The following DGKG variants were observed in gnomAD, a reference collection of about 807,000 sequenced individuals.
DGKG encodes the protein diacylglycerol kinase gamma, also known as DAG kinase gamma.
In DGKG, 78 loss-of-function variants were observed where a neutral mutation model predicts 105.3. The ratio of observed to expected loss-of-function variants is 0.74; its 90% CI spans 0.62 to 0.89. The LOEUF is 0.89. DGKG is among the 40% of genes least tolerant of loss of function. The pLI is 0.00. For synonymous variants in DGKG, 346 were observed against 367.1 expected (o/e 0.94, Z 0.66); for missense variants, 958 against 1,020.1 (o/e 0.94, Z 0.83).
chr3:186,300,215 C>A (rs1264407848), intron 3 of DGKG, among the ~76,000 whole-genome samples: 1 of 152,156 alleles, frequency 6.6e-6, no homozygotes, highest in African/African-American at 2.4e-5. Context: ...CCAGCATTTT[C>A]TTTTCATTTA....
intron 3 of DGKG, among the ~76,000 whole-genome samples, chr3:186,302,635 T>TATATCC (rs1348431429): frequency 2.0e-5 from 3 of 149,382 alleles, no homozygotes; most frequent in Non-Finnish European, 1.5e-5. Context: ...TATCTATATC[T>TATATCC]ATATCTATAT....
chr3:186,264,147 C>T (rs1721925723), intron 14 of DGKG, among the ~76,000 whole-genome samples: 1 of 152,222 alleles, frequency 6.6e-6, no homozygotes, highest in Non-Finnish European at 1.5e-5. Flanking sequence ...ATACATGTAT[C>T]GGGTGTGGAT....
intron 20 of DGKG, among the ~76,000 whole-genome samples, 161 bp downstream of exon 20, chr3:186,242,343 T>A (rs895955779): frequency 6.6e-6 from 1 of 151,266 alleles, no homozygotes; most frequent in African/African-American, 2.4e-5. Flanking sequence ...TTCTGACACT[T>A]TTTTTTTTCT....
chr3:186,252,484 G>A (rs947745383), intron 18 of DGKG, among the ~76,000 whole-genome samples: 16 of 152,302 alleles, frequency 1.1e-4, no homozygotes, highest in Middle Eastern at 6.8e-3. Flanking sequence ...ATTTTCTGGC[G>A]CATGTCCAAC....
rs111525071 is a variant in DGKG at position 186,276,035 on chromosome 3, A to G, written c.793-371T>C. Among the ~76,000 whole-genome samples, 710 of 152,088 alleles carry G rather than the reference A, an allele frequency of 4.7e-3. 10 individuals are homozygous for G. Among genetic ancestry groups the G allele is most frequent in the African/African-American group, 0.016 (656 of 41,464 alleles). ...CTATCTATCTCCTTTAAATGTTTAC[A>G]ACCTTTGACTTACCAATATCTCCTT... is the stretch of plus-strand genomic sequence containing the variant. On this transcript the variant is annotated intron_variant, in intron 9 of 24. Coordinates refer to ENST00000265022, the MANE Select transcript of DGKG (RefSeq NM_001346.3).
chr3:186,284,543 G>A lies in DGKG; in HGVS notation c.594+117C>T, dbSNP rs1452582528. ...TAGTCGGATTTCCTCAGCCTGCATC[G>A]AGACATTGCTATTACTACAAAGACG... On this transcript the variant is annotated intron_variant, in intron 7 of 24. Transcript: ENST00000265022. The surrounding 1 kb of genome is among the most constrained non-coding windows in gnomAD (Gnocchi z 4.0). 2 of 889,418 alleles carry A rather than the reference G, an allele frequency of 2.2e-6. No individual in the cohort carries two copies. The highest frequency in any genetic ancestry group is 3.7e-6 in the Non-Finnish European group (2 of 537,918). The allele number at this position is 889,418 out of a possible 1,614,324, so 55.1% of individuals were successfully genotyped here.
At chr3:186,159,184 A>T (rs1716172808) in intron 24 of DGKG, 1 of 151,568 alleles carries the variant, frequency 6.6e-6, no homozygotes, top group South Asian at 2.1e-4. Context: ...GCTTCAAAAA[A>T]TTTTTAAATG....
intron 22 of DGKG, among the ~76,000 whole-genome samples, chr3:186,180,026 C>T (rs1485550844): frequency 6.6e-6 from 1 of 152,164 alleles, no homozygotes; most frequent in Non-Finnish European, 1.5e-5. Context: ...CTGCCAGGCA[C>T]AGGGATACAG....
chr3:186,318,767 C>T (rs1009843425), intron 2 of DGKG, among the ~76,000 whole-genome samples: 25 of 152,172 alleles, frequency 1.6e-4, no homozygotes, highest in Admixed American at 2.0e-4. Context: ...GCCGCTGACT[C>T]CTTGATTGTG....
intron 21 of DGKG, among the ~76,000 whole-genome samples, chr3:186,202,396 T>C (rs928996163): frequency 4.6e-5 from 7 of 152,234 alleles, no homozygotes; most frequent in African/African-American, 1.7e-4. Context: ...ATATCCACTA[T>C]AGCCAACAAG....
chr3:186,236,828 C>A (rs1182346357), intron 20 of DGKG, among the ~76,000 whole-genome samples: 1 of 152,254 alleles, frequency 6.6e-6, no homozygotes, highest in Non-Finnish European at 1.5e-5. Flanking sequence ...TCAGCCTCAA[C>A]TGCTGAGAGA....
chr3:186,349,870 C>T (rs921172487), intron 1 of DGKG, among the ~76,000 whole-genome samples: 1 of 151,670 alleles, frequency 6.6e-6, no homozygotes, highest in African/African-American at 2.4e-5. Flanking sequence ...CAACCATTGC[C>T]ACCATCCATC....
In DGKG at chr3:186,319,973, C is replaced by T. The variant is rs1038501962; in HGVS notation, c.67+420G>A. Among the ~76,000 whole-genome samples the T allele has an allele frequency of 2.6e-5, 4 of 152,356 alleles. 1 individual carries two copies. The South Asian group carries it at 6.2e-4, about 24-fold the overall frequency. On this transcript the variant is annotated intron_variant, in intron 2 of 24. Transcript: ENST00000265022. The stretch of plus-strand genomic sequence containing the variant: ...AGTAACATTGTAGCCATGCAGCATG[C>T]AGCCCTTCAAAATTATGCTCTGAAG...
intron 9 of DGKG, among the ~76,000 whole-genome samples, chr3:186,277,065 G>A (rs1414212658): frequency 6.6e-6 from 1 of 152,110 alleles, no homozygotes; most frequent in Non-Finnish European, 1.5e-5. Flanking sequence ...GAGTTTTATA[G>A]AATTAAAACC....
chr3:186,182,832 C>A (rs1413860181), intron 22 of DGKG, among the ~76,000 whole-genome samples: 13 of 152,112 alleles, frequency 8.5e-5, no homozygotes, highest in Non-Finnish European at 1.6e-4. Context: ...TTCTGTAGAA[C>A]ACATGTGAGC....
intron 19 of DGKG, among the ~76,000 whole-genome samples, chr3:186,244,222 G>A (rs1720828856): frequency 6.6e-6 from 1 of 152,052 alleles, no homozygotes; most frequent in Non-Finnish European, 1.5e-5. Context: ...AAGAGGTATA[G>A]TTCTATGAAG....
rs1052998419 is a variant in DGKG at position 186,361,387 on chromosome 3, C to G, written c.-249+559G>C. 1.2e-4 allele frequency among the ~76,000 whole-genome samples: 19 copies of G among 152,126 alleles called. No homozygotes were observed. Among genetic ancestry groups the G allele is most frequent in the Non-Finnish European group, 1.0e-4 (7 of 68,010 alleles). ...CTTGTGACTCTGAGACTACACAGAT[C>G]AACCTCAGATTCGACCCTTCCCTCC... On this transcript the variant is annotated intron_variant, in intron 1 of 24. Transcript: ENST00000265022. This position sits in a 1 kb window ranked among gnomAD's most constrained non-coding sequence, Gnocchi z 6.8.
At position 186,317,599 on chromosome 3, in the gene DGKG, C is replaced by T. The variant is rs76765207; in HGVS notation, c.67+2794G>A. 5.9e-3 allele frequency among the ~76,000 whole-genome samples: 892 copies of T among 152,316 alleles called. 16 individuals carry two copies. Among genetic ancestry groups the T allele is most frequent in the African/African-American group, 0.021 (862 of 41,570 alleles). Reference sequence around the variant, plus strand: ...AGCTCCCATGATGTCCTCCACCCTGCCCTGCCCTTGCCCAAGCCACGTCCT... The same window carrying T: ...AGCTCCCATGATGTCCTCCACCCTGTCCTGCCCTTGCCCAAGCCACGTCCT... On this transcript the variant is annotated intron_variant, in intron 2 of 24. Coordinates refer to ENST00000265022, the MANE Select transcript of DGKG (RefSeq NM_001346.3).
rs1421965798 is a variant in DGKG, at chr3:186,231,372, C to G, written c.1826+11132G>C. Among the ~76,000 whole-genome samples, 3 of 152,156 alleles carry G rather than the reference C, an allele frequency of 2.0e-5. No homozygotes were observed. The highest frequency in any genetic ancestry group is 1.3e-4 in the Admixed American group (2 of 15,272). ...CAGGCCTAGGTGTGAATCGTAGCTT[C>G]TCTAGTAACTAGTGTGGTCTTGAGC... On this transcript the variant is annotated intron_variant, in intron 20 of 24. Transcript: ENST00000265022. The surrounding 1 kb of genome is among the most constrained non-coding windows in gnomAD (Gnocchi z 4.5).
Sources: gnomAD v4.1 joint callset for allele counts (sites outside exome capture counted in the v4.1 genomes callset) on GRCh38, gnomAD v4.1.1 for gene constraint, Gnocchi (gnomAD v3.1) non-coding constraint, MANE v1.5 for transcripts, NCBI Gene and HGNC (gene_info 2026-07-23, HGNC 2026-07-21) for gene names.